The following DNAH11 variants were observed in gnomAD, a reference collection of about 807,000 sequenced individuals.
DNAH11 encodes the protein axonemal beta dynein heavy chain 11.
Under a neutral mutation model 526.0 loss-of-function variants are expected in DNAH11, and 442 were observed. That is an observed-to-expected ratio of 0.84 (90% CI 0.78 to 0.91). The LOEUF (loss-of-function observed/expected upper bound fraction) is 0.91, where lower values mean the gene tolerates loss of function less well. DNAH11 is among the 40% of genes least tolerant of loss of function. The pLI, the probability that DNAH11 is intolerant of heterozygous loss-of-function variation, is 0.00. For synonymous variants in DNAH11, 2,461 were observed against 1,935.9 expected, an observed-to-expected ratio of 1.27 and a Z score of -7.12; for missense variants, 6,989 against 5,448.7, an observed-to-expected ratio of 1.28 and a Z score of -8.90.
At position 21,561,109 on chromosome 7, in the gene DNAH11, G is replaced by A. The variant is rs1475376424; in HGVS notation, c.921G>A (p.Leu307=). 8 of 1,604,688 alleles carry A rather than the reference G, an allele frequency of 5.0e-6. No individual in the cohort carries two copies. Among genetic ancestry groups the A allele is most frequent in the Non-Finnish European group, 6.8e-6 (8 of 1,175,402 alleles). The change falls in exon 5 of 82, where the codon CTG becomes CTA. Residue 307 remains leucine, a synonymous_variant. Transcript: ENST00000409508. The stretch of plus-strand genomic sequence containing the variant: ...TTGTCCTCAAAATGGTTAAGATCCT[G>A]ACAACTAAACAAAGCAGCTATTTTC... ...APVVLKMVKI[L]TTKQSSYFPT...
At chr7:21,857,558 A>T (rs1003310017) in intron 68 of DNAH11, among the ~76,000 whole-genome samples, 8 of 152,010 alleles carry the variant, frequency 5.3e-5, no homozygotes, top group African/African-American at 1.9e-4. Flanking sequence ...GGGTTGGAAG[A>T]CTTACAATTT....
At chr7:21,831,795 TA>T (rs1275446800) in intron 65 of DNAH11, among the ~76,000 whole-genome samples, 2 of 152,124 alleles carry the variant, frequency 1.3e-5, no homozygotes, top group Non-Finnish European at 2.9e-5. Flanking sequence ...TTTAACCAGT[TA>T]AAAGCTTCTG....
intron 28 of DNAH11, among the ~76,000 whole-genome samples, chr7:21,645,257 C>A (rs190200943): frequency 1.8e-4 from 27 of 152,264 alleles, no homozygotes; most frequent in Non-Finnish European, 2.4e-4. Flanking sequence ...TTGTTCAGTT[C>A]CAGCTTGAAC....
chr7:21,612,372 G>A (rs531453716), intron 20 of DNAH11, among the ~76,000 whole-genome samples: 11 of 151,880 alleles, frequency 7.2e-5, no homozygotes, highest in South Asian at 4.2e-4. Flanking sequence ...TGGCTAATAC[G>A]GTGAAACCCT....
chr7:21,624,793 A>G (rs1554323874), intron 25 of DNAH11, among the ~76,000 whole-genome samples: 1 of 152,104 alleles, frequency 6.6e-6, no homozygotes, highest in Non-Finnish European at 1.5e-5. Flanking sequence ...TTTTCTGCAT[A>G]TATTCAGATG....
chr7:21,624,720 C>A (rs1263362109), intron 25 of DNAH11, among the ~76,000 whole-genome samples: 4 of 152,094 alleles, frequency 2.6e-5, no homozygotes, highest in Admixed American at 1.3e-4. Flanking sequence ...GAAGTACATT[C>A]TTTATATGCC....
At chr7:21,585,713 G>A (rs781018914) in intron 9 of DNAH11, among the ~76,000 whole-genome samples, 6 of 152,112 alleles carry the variant, frequency 3.9e-5, no homozygotes, top group Non-Finnish European at 8.8e-5. Flanking sequence ...TGGTTTAGGT[G>A]GCCACAGATT....
At chr7:21,725,383 A>G (rs1453005885) in intron 44 of DNAH11, among the ~76,000 whole-genome samples, 6 of 152,250 alleles carry the variant, frequency 3.9e-5, no homozygotes, top group South Asian at 2.1e-4. Context: ...AACTATCACC[A>G]TAATTTTATA....
At chr7:21,593,883 C>A (rs1583511038) in intron 14 of DNAH11, among the ~76,000 whole-genome samples, 1 of 151,872 alleles carries the variant, frequency 6.6e-6, no homozygotes, top group African/African-American at 2.4e-5. Flanking sequence ...CCCTCCCCTG[C>A]CCCTGCTCCC....
intron 48 of DNAH11, among the ~76,000 whole-genome samples, chr7:21,740,856 T>C (rs929874020): frequency 5.3e-5 from 8 of 152,230 alleles, no homozygotes; most frequent in Non-Finnish European, 8.8e-5. Context: ...TGCATCAGGG[T>C]CCCAGTTTCT....
At position 21,816,534 on chromosome 7, in the gene DNAH11, C is replaced by T. The variant is rs1468215078; in HGVS notation, c.10400C>T (p.Ala3467Val). ...TTGACGGATGATGCTACAATTGCCG[C>T]CTGGAATAACGAAGGACTGCCCAGT... ...SMLTDDATIAAWNNEGLPSDR... is the reference protein window; with the variant it reads ...SMLTDDATIAVWNNEGLPSDR... Residue 3467 changes from alanine to valine, a missense_variant, in exon 64 of 82, where the codon GCC becomes GTC. Transcript: ENST00000409508. The T allele has an allele frequency of 6.2e-7, 1 of 1,612,816 alleles. No individual in the cohort carries two copies. Among genetic ancestry groups the T allele is most frequent in the Non-Finnish European group, 8.5e-7 (1 of 1,179,566 alleles).
chr7:21,778,207 C>G (rs1308694815), intron 56 of DNAH11, among the ~76,000 whole-genome samples: 1 of 152,046 alleles, frequency 6.6e-6, no homozygotes, highest in African/African-American at 2.4e-5. Flanking sequence ...TTCTTTTTAG[C>G]AGATGAATTC....
intron 28 of DNAH11, among the ~76,000 whole-genome samples, chr7:21,648,566 G>A (rs1389117491): frequency 2.6e-5 from 4 of 152,166 alleles, no homozygotes; most frequent in Admixed American, 6.5e-5. Context: ...AGAAGCCACC[G>A]ATCACCAGCA....
chr7:21,901,435 C>G lies in DNAH11; in HGVS notation c.*181C>G. 1 of 788,654 alleles carries G rather than the reference C, an allele frequency of 1.3e-6. No individual in the cohort carries two copies. Among genetic ancestry groups the G allele is most frequent in the Non-Finnish European group, 1.8e-6 (1 of 571,178 alleles). 48.9% of individuals were successfully genotyped at this position (788,654 alleles called of 1,614,324 possible). A position where few individuals can be genotyped will look rare whatever the true frequency, so the allele number is the denominator to read the frequency against. The stretch of plus-strand genomic sequence containing the variant: ...TACTAGAAACTAACTCAGGGCTGAG[C>G]GTGGTGGCACACGACTGTAATCCCA... On this transcript the variant is annotated 3_prime_UTR_variant, in exon 82 of 82. Transcript: ENST00000409508.
Position 21,617,787 on chromosome 7 carries a change from C to T in DNAH11, c.4254+10C>T. On this transcript the variant is annotated intron_variant, in intron 23 of 81. Coordinates refer to ENST00000409508, the MANE Select transcript of DNAH11 (RefSeq NM_001277115.2). ...GATGAAAGCTATTGGGGTCAGTATC[C>T]TTGGTCTCACTAATGAACCTTTTTA... is the stretch of plus-strand genomic sequence containing the variant. 6.4e-7 allele frequency: 1 copy of T among 1,570,322 alleles called. No homozygotes were observed. The highest frequency in any genetic ancestry group is 8.6e-7 in the Non-Finnish European group (1 of 1,160,452).
chr7:21,746,134 G>A (rs140895048), intron 51 of DNAH11, among the ~76,000 whole-genome samples: 3 of 152,286 alleles, frequency 2.0e-5, no homozygotes, highest in Non-Finnish European at 4.4e-5. Flanking sequence ...AGTTCATTGT[G>A]TCTGGGCTAA....
At chr7:21,834,046 A>G (rs1781893555) in intron 65 of DNAH11, among the ~76,000 whole-genome samples, 2 of 152,182 alleles carry the variant, frequency 1.3e-5, no homozygotes. Context: ...AGCGCAGAAT[A>G]TATATTCTTC....
chr7:21,739,489 T>A, intron 47 of DNAH11, 82 bp from the exon 48 acceptor site: 2 of 1,000,008 alleles, frequency 2.0e-6, no homozygotes, highest in South Asian at 3.1e-5. Flanking sequence ...TAATCTGCGA[T>A]GAAGACCTTT....
At chr7:21,816,074 A>G (rs1172372121) in intron 63 of DNAH11, among the ~76,000 whole-genome samples, 1 of 152,142 alleles carries the variant, frequency 6.6e-6, no homozygotes, top group Non-Finnish European at 1.5e-5. Context: ...GTGCCTGAGC[A>G]AGATACTGAA....
Sources: gnomAD v4.1 joint callset for allele counts (sites outside exome capture counted in the v4.1 genomes callset) on GRCh38, gnomAD v4.1.1 for gene constraint, MANE v1.5 for transcripts, NCBI Gene and HGNC (gene_info 2026-07-23, HGNC 2026-07-21) for gene names.